Variants in RBPJ observed in about 807,000 individuals in gnomAD.
RBPJ encodes the protein recombination signal binding protein for immunoglobulin kappa J region, also known as recombining binding protein suppressor of hairless.
RBPJ carries 9 observed loss-of-function variants against 67.8 expected under a neutral mutation model. The observed-to-expected ratio is 0.13, with a 90% CI of 0.08 to 0.23. The LOEUF (loss-of-function observed/expected upper bound fraction) is 0.23, where lower values mean the gene tolerates loss of function less well. Among genes scored for constraint, RBPJ ranks in the 10% least tolerant of loss-of-function variants. The pLI, the probability that RBPJ is intolerant of heterozygous loss-of-function variation, is 1.00. For missense variants in RBPJ, 305 were observed against 595.6 expected (o/e 0.51, Z 5.08); for synonymous variants, 198 against 203.3 (o/e 0.97, Z 0.22).
chr4:26,277,388 GT>G (rs1489500698), intron 1 of RBPJ, among the ~76,000 whole-genome samples: 3 of 152,088 alleles, frequency 2.0e-5, no homozygotes, highest in Non-Finnish European at 4.4e-5. Flanking sequence ...GAATTCCTTA[GT>G]TTATGATTTA....
At chr4:26,320,815 G>A (rs1355119139), upstream of RBPJ, 1 of 1,558,702 alleles carries the variant, frequency 6.4e-7, no homozygotes, top group Admixed American at 2.0e-5. Flanking sequence ...CCATCGCCTG[G>A]GTAGGTTTCC....
chr4:26,142,644 T>TA, the RBPJ span, among the ~76,000 whole-genome samples: 1 of 152,260 alleles, frequency 6.6e-6, no homozygotes, highest in Admixed American at 6.5e-5. Context: ...TCACCTAAGT[T>TA]AAGTGAACTG....
At chr4:26,215,403 GGGGGGA>G (rs1718683875) in intron 1 of RBPJ, among the ~76,000 whole-genome samples, 6 of 16,830 alleles carry the variant, frequency 3.6e-4, no homozygotes, top group Non-Finnish European at 5.0e-4. Flanking sequence ...GGAAGGAAGG[GGGGGGA>G]AGGAAGGAAG....
intron 1 of RBPJ, among the ~76,000 whole-genome samples, chr4:26,286,026 C>G (rs548886880): frequency 3.8e-4 from 26 of 67,888 alleles, no homozygotes; most frequent in African/African-American, 1.0e-3. Flanking sequence ...TGCTTGAGCC[C>G]AGGAATTCAA....
intron 1 of RBPJ, among the ~76,000 whole-genome samples, chr4:26,189,801 C>T (rs1308007279): frequency 2.0e-5 from 3 of 152,112 alleles, no homozygotes; most frequent in African/African-American, 7.2e-5. Context: ...TTAATAGTTC[C>T]AGAAAACATT....
the RBPJ span, among the ~76,000 whole-genome samples, chr4:26,142,931 A>G: frequency 2.6e-5 from 4 of 152,094 alleles, no homozygotes; most frequent in Non-Finnish European, 5.9e-5. Flanking sequence ...ACAGGCAGGC[A>G]CCACCATGCC....
At chr4:26,388,456 A>G (rs1257111798) in intron 2 of RBPJ, among the ~76,000 whole-genome samples, 1 of 152,216 alleles carries the variant, frequency 6.6e-6, no homozygotes, top group East Asian at 1.9e-4. Context: ...GCAGCAATAG[A>G]CCATGTGTAA....
At chr4:26,280,260 G>C (rs1017619726) in intron 1 of RBPJ, among the ~76,000 whole-genome samples, 9 of 151,874 alleles carry the variant, frequency 5.9e-5, no homozygotes, top group African/African-American at 1.9e-4. Flanking sequence ...GTCAGGTATG[G>C]TGGCAGGTGC....
At chr4:26,293,903 A>T (rs1328345530) in intron 1 of RBPJ, among the ~76,000 whole-genome samples, 1 of 151,730 alleles carries the variant, frequency 6.6e-6, no homozygotes, top group East Asian at 2.0e-4. Flanking sequence ...GATTACAGGC[A>T]TGTGCCACCA....
chr4:26,319,917 T>A, upstream of RBPJ: 1 of 1,552,758 alleles, frequency 6.4e-7, no homozygotes, highest in Non-Finnish European at 8.9e-7. Flanking sequence ...ATTCGGGCCC[T>A]TCACCCTGCT....
intron 1 of RBPJ, among the ~76,000 whole-genome samples, chr4:26,373,719 A>G (rs1403825566): frequency 1.3e-5 from 2 of 152,228 alleles, no homozygotes; most frequent in Non-Finnish European, 2.9e-5. Flanking sequence ...AGACTGTCAC[A>G]GTCCCTACTG....
At chr4:26,348,379 G>A (rs1326183609) in intron 1 of RBPJ, among the ~76,000 whole-genome samples, 10 of 152,108 alleles carry the variant, frequency 6.6e-5, no homozygotes, top group Admixed American at 6.6e-4. Flanking sequence ...ATGAGGTGAT[G>A]GACTTGGTTT....
At position 26,277,992 on chromosome 4, in the gene RBPJ, T is replaced by C. The variant is rs566183699; in HGVS notation, c.-166-84454T>C. Among the ~76,000 whole-genome samples the C allele has an allele frequency of 5.9e-5, 9 of 152,350 alleles. No homozygotes were observed. In the East Asian group the frequency reaches 1.7e-3, roughly 29 times the overall value. ...ATATGTGTGTGTTTGTGTGTGTGTC[T>C]TGCCTTCTAAGCTAGCTCCTTTGCT... On this transcript the variant is annotated intron_variant, in intron 1 of 4. Transcript: ENST00000512351.
chr4:26,362,821 T>A (rs1446940025), intron 1 of RBPJ, among the ~76,000 whole-genome samples: 2 of 152,252 alleles, frequency 1.3e-5, no homozygotes, highest in African/African-American at 4.8e-5. Context: ...ATGGATTTTC[T>A]TTTTCCTTTA....
chr4:26,127,371 C>T, the RBPJ span, among the ~76,000 whole-genome samples: 1 of 152,210 alleles, frequency 6.6e-6, no homozygotes, highest in Admixed American at 6.5e-5. Flanking sequence ...CAAAGGTCAC[C>T]AACCATATGG....
chr4:26,263,864 C>CTGGCAGACAGATTCATTTGTGTTCA (rs1183193762), intron 1 of RBPJ, among the ~76,000 whole-genome samples: 1 of 150,132 alleles, frequency 6.7e-6, no homozygotes, highest in Non-Finnish European at 1.5e-5. Flanking sequence ...GCCACAGCAC[C>CTGGCAGACAGATTCATTTGTGTTCA]CAGTCTTTTT....
At chr4:26,343,131 A>G (rs1725718342) in intron 1 of RBPJ, 1 of 152,186 alleles carries the variant, frequency 6.6e-6, no homozygotes, top group African/African-American at 2.4e-5. Context: ...CACACTTGCA[A>G]TGAATTCTGT....
At position 26,207,511 on chromosome 4, in the gene RBPJ, G is replaced by GAGAT. The variant is rs1219316588; in HGVS notation, c.-167+43898_-167+43901dup. ...TATGTTATACTGATTCATTCCTGTG[G>GAGAT]AGATGTCTTAGTTCACTTTTCTAGT... On this transcript the variant is annotated intron_variant, in intron 1 of 4. Transcript: ENST00000512351. Among the ~76,000 whole-genome samples, 11 of 152,272 alleles carry GAGAT rather than the reference G, an allele frequency of 7.2e-5. No homozygotes were observed. The East Asian group carries it at 1.7e-3, about 24-fold the overall frequency.
intron 1 of RBPJ, among the ~76,000 whole-genome samples, chr4:26,357,337 G>C (rs1727491556): frequency 6.6e-6 from 1 of 152,178 alleles, no homozygotes; most frequent in Non-Finnish European, 1.5e-5. Context: ...AACTCAAGTA[G>C]TGTTACAGAG....
Sources: gnomAD v4.1 joint callset for allele counts (sites outside exome capture counted in the v4.1 genomes callset) on GRCh38, gnomAD v4.1.1 for gene constraint, MANE v1.5 for transcripts, NCBI Gene and HGNC (gene_info 2026-07-23, HGNC 2026-07-21) for gene names.